The following PTPRN2 variants were observed in gnomAD, a reference collection of about 807,000 sequenced individuals.
The protein encoded by PTPRN2 is protein tyrosine phosphatase receptor type N2.
Under a neutral mutation model 118.8 loss-of-function variants are expected in PTPRN2, and 74 were observed. The ratio of observed to expected loss-of-function variants is 0.62; its 90% CI spans 0.52 to 0.76. The LOEUF is 0.76. PTPRN2 is among the 30% of genes least tolerant of loss of function. The pLI, the probability that PTPRN2 is intolerant of heterozygous loss-of-function variation, is 0.00. For missense variants in PTPRN2, 1,481 were observed against 1,394.4 expected, an observed-to-expected ratio of 1.06 and a Z score of -0.99; for synonymous variants, 641 against 608.0, an observed-to-expected ratio of 1.05 and a Z score of -0.80.
intron 2 of PTPRN2, among the ~76,000 whole-genome samples, chr7:158,487,225 C>A (rs1433636283): frequency 2.0e-5 from 3 of 152,214 alleles, no homozygotes; most frequent in Non-Finnish European, 4.4e-5. Flanking sequence ...GCATTAACTG[C>A]TATGAATATG....
At chr7:157,911,014 G>A (rs193053041) in intron 11 of PTPRN2, among the ~76,000 whole-genome samples, 1 of 152,202 alleles carries the variant, frequency 6.6e-6, no homozygotes, top group Non-Finnish European at 1.5e-5. Flanking sequence ...AGAAGAGAAG[G>A]GGGGTGCCCT....
In PTPRN2 at chr7:157,959,554, C is replaced by T. The variant is rs78758035; in HGVS notation, c.1724-60817G>A. Among the ~76,000 whole-genome samples the T allele has an allele frequency of 0.016, 2,384 of 152,232 alleles. 174 individuals carry two copies. In the East Asian group the frequency reaches 0.24, roughly 16 times the overall value. On this transcript the variant is annotated intron_variant, in intron 11 of 22. Coordinates refer to ENST00000389418, the MANE Select transcript of PTPRN2 (RefSeq NM_002847.5). The stretch of plus-strand genomic sequence containing the variant: ...ATTGGAATAGACATTTCTCCAAAGA[C>T]GACGTGCAGATGGAGAGTGAGCCCA...
At chr7:158,187,913 G>C (rs991683384) in intron 5 of PTPRN2, among the ~76,000 whole-genome samples, 1 of 152,174 alleles carries the variant, frequency 6.6e-6, no homozygotes, top group Non-Finnish European at 1.5e-5. Flanking sequence ...ATCAGAAGGT[G>C]GACCCTGGCT....
rs137863122 is a variant in PTPRN2, at chr7:158,280,556, G to C, written c.277+36263C>G. 3.9e-5 allele frequency among the ~76,000 whole-genome samples: 6 copies of C among 152,298 alleles called. No individual in the cohort carries two copies. In the East Asian group the frequency reaches 1.2e-3, roughly 29 times the overall value. On this transcript the variant is annotated intron_variant, in intron 3 of 22. Transcript: ENST00000389418. The stretch of plus-strand genomic sequence containing the variant: ...AGGTCTTTGAAGACCTTTCATAGCA[G>C]CCCTGAGATACCGGGTGGAGAGGGC...
intron 2 of PTPRN2, among the ~76,000 whole-genome samples, chr7:158,333,011 C>G (rs1804809451): frequency 1.5e-5 from 2 of 132,046 alleles, no homozygotes. Flanking sequence ...CACACTCTCA[C>G]CATAAGAGCT....
chr7:157,761,069 C>G (rs1287502592), intron 12 of PTPRN2, among the ~76,000 whole-genome samples: 1 of 150,822 alleles, frequency 6.6e-6, no homozygotes, highest in African/African-American at 2.4e-5. Flanking sequence ...TCAAGGAGAA[C>G]TACAAACCAC....
intron 12 of PTPRN2, among the ~76,000 whole-genome samples, chr7:157,818,091 T>C (rs1265256031): frequency 2.0e-5 from 3 of 151,482 alleles, no homozygotes; most frequent in Non-Finnish European, 4.4e-5. Context: ...GCATATGTGG[T>C]ATGTGTGTTG....
chr7:158,402,031 G>A (rs571439529), intron 2 of PTPRN2, among the ~76,000 whole-genome samples: 43 of 152,276 alleles, frequency 2.8e-4, no homozygotes, highest in African/African-American at 1.0e-3. Context: ...ATGAGGAAAG[G>A]GGGTCTGACC....
chr7:158,435,042 T>C (rs1015654897), intron 2 of PTPRN2, among the ~76,000 whole-genome samples: 3 of 152,210 alleles, frequency 2.0e-5, no homozygotes, highest in African/African-American at 7.2e-5. Context: ...GACATTGGTC[T>C]TAGCAATTAT....
In PTPRN2 at chr7:157,927,829, G is replaced by A. The variant is rs144406531; in HGVS notation, c.1724-29092C>T. On this transcript the variant is annotated intron_variant, in intron 11 of 22. Coordinates refer to ENST00000389418, the MANE Select transcript of PTPRN2 (RefSeq NM_002847.5). ...GGGGTTTGTGACCAGGTCAGGCTGA[G>A]CAGACTGGGATGTTTACGAGTTCTT... Among the ~76,000 whole-genome samples the A allele has an allele frequency of 1.5e-3, 229 of 152,214 alleles. 2 individuals are homozygous for A. Among genetic ancestry groups the A allele is most frequent in the African/African-American group, 5.2e-3 (215 of 41,546 alleles).
At chr7:157,858,064 T>C (rs1479989266) in intron 12 of PTPRN2, among the ~76,000 whole-genome samples, 6 of 140,748 alleles carry the variant, frequency 4.3e-5, no homozygotes, top group Non-Finnish European at 6.3e-5. Context: ...CCACCCACAC[T>C]CCTGCAGGGA....
At chr7:157,716,255 C>G (rs1283030166) in intron 12 of PTPRN2, among the ~76,000 whole-genome samples, 1 of 125,292 alleles carries the variant, frequency 8.0e-6, no homozygotes, top group Admixed American at 7.7e-5. Flanking sequence ...CACGAAGACT[C>G]TGCGGGAACA....
chr7:158,438,979 C>T lies in PTPRN2; in HGVS notation c.163+50756G>A, dbSNP rs1355148567. 6.6e-6 allele frequency among the ~76,000 whole-genome samples: 1 copy of T among 152,168 alleles called. No individual in the cohort carries two copies. Among genetic ancestry groups the T allele is most frequent in the Non-Finnish European group, 1.5e-5 (1 of 68,036 alleles). On this transcript the variant is annotated intron_variant, in intron 2 of 22. Coordinates refer to ENST00000389418, the MANE Select transcript of PTPRN2 (RefSeq NM_002847.5). This position sits in a 1 kb window ranked among gnomAD's most constrained non-coding sequence, Gnocchi z 4.7. ...CCTGAGACAAATGCATCTCATTGCT[C>T]CCTCTCCCCTATTGCTTATGTAAAA...
chr7:158,329,449 G>C (rs544511102), intron 2 of PTPRN2, among the ~76,000 whole-genome samples: 1 of 152,172 alleles, frequency 6.6e-6, no homozygotes, highest in Non-Finnish European at 1.5e-5. Context: ...GCAGGCGGAC[G>C]GCTGAGAGGC....
chr7:158,092,533 C>T (rs1180822594), intron 10 of PTPRN2, among the ~76,000 whole-genome samples: 4 of 152,040 alleles, frequency 2.6e-5, no homozygotes, highest in Non-Finnish European at 4.4e-5. Context: ...TAATTAGACA[C>T]TTTCTCAAAA....
At chr7:158,491,861 C>T (rs1328382556) in intron 1 of PTPRN2, among the ~76,000 whole-genome samples, 1 of 152,226 alleles carries the variant, frequency 6.6e-6, no homozygotes, top group Non-Finnish European at 1.5e-5. Context: ...TGCATTATTT[C>T]TTCATTCAAC....
intron 11 of PTPRN2, among the ~76,000 whole-genome samples, chr7:157,958,914 G>A (rs1381191228): frequency 6.6e-6 from 1 of 152,098 alleles, no homozygotes; most frequent in African/African-American, 2.4e-5. Flanking sequence ...AAATTTATAT[G>A]GAATCTCATG....
intron 15 of PTPRN2, among the ~76,000 whole-genome samples, chr7:157,621,056 CCCCCTCCTGT>C (rs2150637154): frequency 6.7e-6 from 1 of 148,464 alleles, no homozygotes; most frequent in Non-Finnish European, 1.5e-5. Context: ...TGGCCAGTTT[CCCCCTCCTGT>C]CACCCTGGCC....
At position 157,787,397 on chromosome 7, in the gene PTPRN2, T is replaced by C. The variant is rs534512928; in HGVS notation, c.1789-104460A>G. On this transcript the variant is annotated intron_variant, in intron 12 of 22. Coordinates refer to ENST00000389418, the MANE Select transcript of PTPRN2 (RefSeq NM_002847.5). This position sits in a 1 kb window ranked among gnomAD's most constrained non-coding sequence, Gnocchi z 5.3. ...CTGGGAGTGACATCTGAAGATGCCA[T>C]AGAAAGTCTGGCGCAGCAGCCGGTG... Among the ~76,000 whole-genome samples the C allele has an allele frequency of 3.4e-4, 51 of 152,108 alleles. 1 individual carries two copies. The Middle Eastern group carries it at 0.014, about 41-fold the overall frequency.
Sources: allele counts gnomAD v4.1 joint callset (sites outside exome capture counted in the v4.1 genomes callset), GRCh38; gene constraint gnomAD v4.1.1; non-coding constraint Gnocchi (gnomAD v3.1); transcripts MANE v1.5; gene names NCBI Gene and HGNC (gene_info 2026-07-23, HGNC 2026-07-21).